The following SPATA45 variants were observed in gnomAD, a reference collection of about 807,000 sequenced individuals.
SPATA45 encodes spermatogenesis associated 45.
In SPATA45, 5 loss-of-function variants were observed where a neutral mutation model predicts 7.0. That is an observed-to-expected ratio of 0.71 (90% confidence interval 0.37 to 1.50). The LOEUF (loss-of-function observed/expected upper bound fraction) is 1.50, where lower values mean the gene tolerates loss of function less well. SPATA45 is among the 40% of genes most tolerant of loss of function. SPATA45 has a pLI of 0.03. For synonymous variants in SPATA45, 40 were observed against 38.7 expected (o/e 1.03, Z -0.13); for missense variants, 111 against 114.9 (o/e 0.97, Z 0.16).
chr1:212,844,092 C>G (rs191410877), intron 1 of SPATA45, among the ~76,000 whole-genome samples: 267 of 152,312 alleles, frequency 1.8e-3, no homozygotes, highest in African/African-American at 5.6e-3. Flanking sequence ...AAGTGCAGGG[C>G]TGTGTGGTCA....
intron 2 of SPATA45, among the ~76,000 whole-genome samples, chr1:212,831,766 C>T (rs137996916): frequency 6.6e-6 from 1 of 151,282 alleles, no homozygotes; most frequent in Non-Finnish European, 1.5e-5. Context: ...GGCCTCCCCA[C>T]CAGGTTAGAC....
intron 2 of SPATA45, among the ~76,000 whole-genome samples, chr1:212,831,873 T>C (rs1663494961): frequency 6.6e-6 from 1 of 151,066 alleles, no homozygotes; most frequent in Admixed American, 6.6e-5. Flanking sequence ...GGGTCATCCC[T>C]CATGCCCTGG....
At chr1:212,843,722 A>G (rs1449859213) in intron 1 of SPATA45, among the ~76,000 whole-genome samples, 1 of 152,214 alleles carries the variant, frequency 6.6e-6, no homozygotes. Flanking sequence ...ACATAGGAAC[A>G]GGCCAATTCC....
At chr1:212,830,468 G>A (rs920309950) in intron 2 of SPATA45, among the ~76,000 whole-genome samples, 13 of 150,752 alleles carry the variant, frequency 8.6e-5, no homozygotes, top group African/African-American at 3.2e-4. Flanking sequence ...TCAGGAGATC[G>A]AGACCATCCT....
At position 212,839,222 on chromosome 1, in the gene SPATA45, T is replaced by C. The variant is rs546291913; in HGVS notation, c.-38-3035A>G. 2.8e-4 allele frequency among the ~76,000 whole-genome samples: 42 copies of C among 148,262 alleles called. 1 individual carries two copies. Among genetic ancestry groups the C allele is most frequent in the Non-Finnish European group, 5.8e-4 (39 of 67,092 alleles). On this transcript the variant is annotated intron_variant, in intron 1 of 2. Coordinates refer to ENST00000332912, the MANE Select transcript of SPATA45 (RefSeq NM_001024601.3). ...GTTCATATATTGTTGATAAACACAA[T>C]ATTATGGCTGAAGCTCAAAATAACT...
chr1:212,843,012 G>A (rs1185861549), intron 1 of SPATA45, among the ~76,000 whole-genome samples: 1 of 152,026 alleles, frequency 6.6e-6, no homozygotes, highest in Non-Finnish European at 1.5e-5. Context: ...CAGGAGAATG[G>A]TGTGAACCCA....
intron 2 of SPATA45, among the ~76,000 whole-genome samples, chr1:212,831,750 C>A (rs1186580783): frequency 1.3e-5 from 2 of 151,286 alleles, no homozygotes; most frequent in Non-Finnish European, 3.0e-5. Context: ...TTCCCCTCAA[C>A]ACACAGGCCT....
chr1:212,831,944 C>T (rs1663496270), intron 2 of SPATA45, among the ~76,000 whole-genome samples: 1 of 150,982 alleles, frequency 6.6e-6, no homozygotes, highest in Non-Finnish European at 1.5e-5. Flanking sequence ...ACTTCCTATC[C>T]CCCACCCTGC....
At chr1:212,831,341 C>T (rs1314671436) in intron 2 of SPATA45, among the ~76,000 whole-genome samples, 2 of 150,822 alleles carry the variant, frequency 1.3e-5, no homozygotes, top group East Asian at 3.9e-4. Flanking sequence ...CATGGTGGCA[C>T]ATGCCTATAG....
intron 1 of SPATA45, among the ~76,000 whole-genome samples, chr1:212,846,227 C>T (rs1009939592): frequency 1.5e-5 from 2 of 132,370 alleles, no homozygotes; most frequent in African/African-American, 6.0e-5. Context: ...TTTAATCTCT[C>T]CCACTCTAGG....
chr1:212,830,144 T>C lies in SPATA45; in HGVS notation c.*98A>G, dbSNP rs543736704. ...TTTTGAGGGATCTAGTGAATACTTT[T>C]GTTTAGCTTTGTTTATAATTAATAA... On this transcript the variant is annotated 3_prime_UTR_variant, in exon 3 of 3. Coordinates refer to ENST00000332912, the MANE Select transcript of SPATA45 (RefSeq NM_001024601.3). 1.3e-5 allele frequency: 11 copies of C among 857,138 alleles called. No homozygotes were observed. The highest frequency in any genetic ancestry group is 1.2e-4 in the African/African-American group (7 of 58,060). The allele number at this position is 857,138 out of a possible 1,614,324, so 53.1% of individuals were successfully genotyped here.
intron 1 of SPATA45, among the ~76,000 whole-genome samples, chr1:212,841,513 A>C (rs1663683097): frequency 6.6e-6 from 1 of 151,970 alleles, no homozygotes; most frequent in African/African-American, 2.4e-5. Flanking sequence ...ATTTATTTTT[A>C]TAATAATGCT....
intron 1 of SPATA45, among the ~76,000 whole-genome samples, chr1:212,836,985 A>C (rs538138201): frequency 6.6e-6 from 1 of 151,340 alleles, no homozygotes; most frequent in South Asian, 2.1e-4. Context: ...TTGTTTCTTA[A>C]GGGTTTTATT....
rs186362957 is a variant in SPATA45 at position 212,843,560 on chromosome 1, C to A, written c.-39+4020G>T. ...TGGCTACATAATTTGTAGGGTCCAG[C>A]GAAAATAAAAATGCTGGACCCTTTA... On this transcript the variant is annotated intron_variant, in intron 1 of 2. Coordinates refer to ENST00000332912, the MANE Select transcript of SPATA45 (RefSeq NM_001024601.3). Among the ~76,000 whole-genome samples the A allele has an allele frequency of 4.8e-3, 728 of 152,164 alleles. 11 individuals carry two copies. The highest frequency in any genetic ancestry group is 0.016 in the African/African-American group (649 of 41,532).
intron 2 of SPATA45, among the ~76,000 whole-genome samples, chr1:212,834,403 A>G (rs1370770992): frequency 1.3e-5 from 2 of 150,478 alleles, no homozygotes; most frequent in Non-Finnish European, 3.0e-5. Context: ...ATAAAATAAT[A>G]CCACCACCAT....
In SPATA45 at chr1:212,843,645, C is replaced by A. The variant is rs1052370378; in HGVS notation, c.-39+3935G>T. On this transcript the variant is annotated intron_variant, in intron 1 of 2. Transcript: ENST00000332912. Reference sequence around the variant, plus strand: ...GTAAAACTTAAAGCCAATTGTGAGACCCTTCTGAGCAAAGGGCCCTATGTG... The same window carrying A: ...GTAAAACTTAAAGCCAATTGTGAGAACCTTCTGAGCAAAGGGCCCTATGTG... 3.3e-5 allele frequency among the ~76,000 whole-genome samples: 5 copies of A among 152,234 alleles called. No homozygotes were observed. The East Asian group carries it at 5.8e-4, about 18-fold the overall frequency.
chr1:212,830,285 T>C (rs528878704), intron 2 of SPATA45, 24 bp from the exon 3 acceptor site: 5 of 1,345,668 alleles, frequency 3.7e-6, no homozygotes, highest in East Asian at 5.0e-5. Flanking sequence ...AAATAAAAAG[T>C]ATTTGTTATA....
At chr1:212,842,272 G>C (rs1186206630) in intron 1 of SPATA45, among the ~76,000 whole-genome samples, 2 of 151,912 alleles carry the variant, frequency 1.3e-5, no homozygotes, top group Non-Finnish European at 2.9e-5. Context: ...CAGCTACTCA[G>C]GAGGCTGAGG....
In SPATA45 at chr1:212,835,662, G is replaced by A. The variant is rs552548638; in HGVS notation, c.277+211C>T. 8.6e-5 allele frequency among the ~76,000 whole-genome samples: 13 copies of A among 151,308 alleles called. 1 individual carries two copies. The highest frequency in any genetic ancestry group is 1.2e-4 in the African/African-American group (5 of 41,392). On this transcript the variant is annotated intron_variant, in intron 2 of 2. Transcript: ENST00000332912. ...AGCCTGGCCAACAAGGTGAAATCCC[G>A]TCTCTACTAAAAAATACAAAAAAAT...
Sources: gnomAD v4.1 joint callset for allele counts (sites outside exome capture counted in the v4.1 genomes callset) on GRCh38, gnomAD v4.1.1 for gene constraint, MANE v1.5 for transcripts, NCBI Gene and HGNC (gene_info 2026-07-23, HGNC 2026-07-21) for gene names.